The following NRXN1 variants were observed in gnomAD, a reference collection of about 807,000 sequenced individuals.
NRXN1 encodes the protein neurexin-1.
NRXN1 carries 39 observed loss-of-function variants against 150.9 expected under a neutral mutation model. That is an observed-to-expected ratio of 0.26 (90% CI 0.20 to 0.34). The LOEUF (loss-of-function observed/expected upper bound fraction) is 0.34, where lower values mean the gene tolerates loss of function less well. Among genes scored for constraint, NRXN1 ranks in the 10% least tolerant of loss-of-function variants. NRXN1 has a pLI of 1.00. For synonymous variants in NRXN1, 924 were observed against 757.0 expected, an observed-to-expected ratio of 1.22 and a Z score of -3.62; for missense variants, 1,815 against 1,949.9, an observed-to-expected ratio of 0.93 and a Z score of 1.30.
intron 15 of NRXN1, among the ~76,000 whole-genome samples, chr2:50,489,614 T>A (rs112204803): frequency 6.6e-6 from 1 of 152,034 alleles, no homozygotes; most frequent in Non-Finnish European, 1.5e-5. Context: ...AGATCACTTA[T>A]ACTTCCTAAG....
intron 5 of NRXN1, among the ~76,000 whole-genome samples, chr2:50,824,478 T>A (rs1344262479): frequency 6.6e-6 from 1 of 152,074 alleles, no homozygotes; most frequent in Non-Finnish European, 1.5e-5. Context: ...TAAAATCTTA[T>A]GATTTCACAA....
intron 21 of NRXN1, among the ~76,000 whole-genome samples, chr2:49,956,910 A>C (rs1675061822): frequency 6.6e-6 from 1 of 152,158 alleles, no homozygotes; most frequent in Non-Finnish European, 1.5e-5. Context: ...TTCGATCAGG[A>C]TAATTTGCCA....
chr2:50,195,844 A>T (rs1470816001), intron 18 of NRXN1, among the ~76,000 whole-genome samples: 1 of 152,126 alleles, frequency 6.6e-6, no homozygotes, highest in Non-Finnish European at 1.5e-5. Flanking sequence ...ATATTATCAT[A>T]GTTTCTTATT....
chr2:50,485,214 A>G (rs2090779131), intron 15 of NRXN1, among the ~76,000 whole-genome samples: 1 of 152,236 alleles, frequency 6.6e-6, no homozygotes, highest in Non-Finnish European at 1.5e-5. Flanking sequence ...AACACAGTCA[A>G]TATCAGACAA....
At chr2:50,930,338 T>C (rs1377062751) in intron 2 of NRXN1, among the ~76,000 whole-genome samples, 1 of 152,078 alleles carries the variant, frequency 6.6e-6, no homozygotes, top group Admixed American at 6.6e-5. Context: ...TTGTGGTATT[T>C]AATTCAAAAT....
chr2:50,297,277 G>A (rs1054783412), intron 17 of NRXN1, among the ~76,000 whole-genome samples: 1 of 152,148 alleles, frequency 6.6e-6, no homozygotes, highest in African/African-American at 2.4e-5. Flanking sequence ...GGACACTTAG[G>A]TTGATTATGT....
At chr2:50,659,543 A>T (rs1160725039) in intron 5 of NRXN1, among the ~76,000 whole-genome samples, 1 of 151,952 alleles carries the variant, frequency 6.6e-6, no homozygotes, top group Non-Finnish European at 1.5e-5. Flanking sequence ...GTTGACATAA[A>T]TTATTGAGAA....
intron 12 of NRXN1, among the ~76,000 whole-genome samples, chr2:50,526,214 A>G (rs1398923190): frequency 6.6e-6 from 1 of 152,188 alleles, no homozygotes; most frequent in Non-Finnish European, 1.5e-5. Flanking sequence ...GTAATAACTT[A>G]GAGTTTAATA....
Position 50,163,583 on chromosome 2 carries a change from A to T in NRXN1, c.3547-72089T>A, listed in dbSNP as rs1287629171. ...GGTCTTAGCTAAGAAAATGTCTTATATGGTTTTTACAGTTAAGGATTGACA... is the reference window on the plus strand; with the variant it reads ...GGTCTTAGCTAAGAAAATGTCTTATTTGGTTTTTACAGTTAAGGATTGACA... On this transcript the variant is annotated intron_variant, in intron 18 of 22. Coordinates refer to ENST00000401669, the MANE Select transcript of NRXN1 (RefSeq NM_001330078.2). 2.0e-5 allele frequency among the ~76,000 whole-genome samples: 3 copies of T among 152,244 alleles called. No individual in the cohort carries two copies. In the East Asian group the frequency reaches 5.8e-4, roughly 29 times the overall value.
At chr2:50,321,363 T>A (rs530349227) in intron 17 of NRXN1, among the ~76,000 whole-genome samples, 9 of 152,244 alleles carry the variant, frequency 5.9e-5, no homozygotes, top group Middle Eastern at 3.4e-3. Context: ...ATGCAGTATG[T>A]CCCATTAGAA....
At position 50,413,683 on chromosome 2, in the gene NRXN1, T is replaced by C. The variant is rs2083343606; in HGVS notation, c.3364+51759A>G. 4.6e-5 allele frequency among the ~76,000 whole-genome samples: 7 copies of C among 152,120 alleles called. No individual in the cohort carries two copies. In the South Asian group the frequency reaches 1.4e-3, roughly 32 times the overall value. ...GATCTAGCAATCCCAATACTGAGTA[T>C]ATACCCCAAAGAAAGGAAATCAGTA... On this transcript the variant is annotated intron_variant, in intron 17 of 22. Transcript: ENST00000401669.
intron 17 of NRXN1, among the ~76,000 whole-genome samples, chr2:50,274,248 CCATCATTCTCAGCTAACTAA>C (rs1160076627): frequency 3.3e-5 from 5 of 151,994 alleles, no homozygotes; most frequent in Admixed American, 6.6e-5. Flanking sequence ...AAGCTGGAAA[CCATCATTCTCAGCTAACTAA>C]CATCATTCTC....
chr2:50,370,751 G>T (rs557242599), intron 17 of NRXN1, among the ~76,000 whole-genome samples: 194 of 152,122 alleles, frequency 1.3e-3, no homozygotes, highest in African/African-American at 4.4e-3. Context: ...CAAGGGAGGT[G>T]TTATTCAGAA....
chr2:50,623,224 C>G, intron 6 of NRXN1, 90 bp downstream of exon 6: 1 of 1,004,356 alleles, frequency 1.0e-6, no homozygotes, highest in Non-Finnish European at 1.5e-6. Context: ...CTGAGGAGCC[C>G]TGTATCATGT....
chr2:50,542,060 T>A (rs143186752), intron 9 of NRXN1, among the ~76,000 whole-genome samples: 3,242 of 152,200 alleles, frequency 0.021, 49 homozygotes, highest in East Asian at 0.067. Context: ...GGCGGGTGGA[T>A]CACCTGAGGT....
At chr2:50,727,355 T>G (rs1697506609) in intron 5 of NRXN1, among the ~76,000 whole-genome samples, 2 of 152,208 alleles carry the variant, frequency 1.3e-5, no homozygotes, top group South Asian at 2.1e-4. Context: ...TATCAATGCC[T>G]AGGCTATAAT....
chr2:50,525,667 C>T (rs556371424), intron 12 of NRXN1, among the ~76,000 whole-genome samples: 2 of 152,350 alleles, frequency 1.3e-5, no homozygotes, highest in Non-Finnish European at 2.9e-5. Context: ...TCAAAACATA[C>T]ATTTGGCAGT....
intron 18 of NRXN1, among the ~76,000 whole-genome samples, chr2:50,154,055 T>C (rs1356435226): frequency 6.6e-6 from 1 of 151,778 alleles, no homozygotes; most frequent in Admixed American, 6.6e-5. Flanking sequence ...TATACACCTT[T>C]AATAGACTCC....
intron 9 of NRXN1, among the ~76,000 whole-genome samples, chr2:50,550,086 G>C (rs1172903263): frequency 6.6e-6 from 1 of 151,974 alleles, no homozygotes; most frequent in African/African-American, 2.4e-5. Context: ...CTAGTATTTT[G>C]AATTAATCGT....
Sources: allele counts gnomAD v4.1 joint callset (sites outside exome capture counted in the v4.1 genomes callset), GRCh38; gene constraint gnomAD v4.1.1; transcripts MANE v1.5; gene names NCBI Gene and HGNC (gene_info 2026-07-23, HGNC 2026-07-21).